The following PCDH11Y variants were observed in gnomAD, a reference collection of about 807,000 sequenced individuals.
PCDH11Y encodes the protein protocadherin 11 Y-linked, also known as protocadherin-11 Y-linked.
For missense variants in PCDH11Y, 12 were observed against 224.8 expected (o/e 0.05, Z 6.05); for synonymous variants, 9 against 83.6 (o/e 0.11, Z 4.87).
At chrY:5,417,840 CA>C (rs2053254247) in intron 2 of PCDH11Y, among the ~76,000 whole-genome samples, 2 of 31,991 alleles carry the variant, frequency 6.3e-5, no homozygotes, top group South Asian at 7.1e-4. Context: ...CACTATCTGA[CA>C]AAAAAAATGC....
At chrY:5,644,586 C>T (rs2053525433) in intron 4 of PCDH11Y, among the ~76,000 whole-genome samples, 1 of 33,159 alleles carries the variant, frequency 3.0e-5, no homozygotes, top group Non-Finnish European at 7.4e-5. Context: ...GTAATCCCAG[C>T]ACTTTGGGAG....
intron 4 of PCDH11Y, among the ~76,000 whole-genome samples, chrY:5,707,567 A>C: frequency 3.4e-5 from 1 of 29,518 alleles, no homozygotes; most frequent in Admixed American, 3.4e-4. Context: ...CAATTGTCAT[A>C]CTAAGAAAGC....
At chrY:5,426,979 T>C (rs2124680086) in intron 2 of PCDH11Y, among the ~76,000 whole-genome samples, 1 of 33,491 alleles carries the variant, frequency 3.0e-5, no homozygotes, top group South Asian at 6.4e-4. Flanking sequence ...AGTGTCATTT[T>C]CCACTGTTTC....
intron 4 of PCDH11Y, among the ~76,000 whole-genome samples, chrY:5,596,422 A>G (rs2053467257): frequency 3.3e-5 from 1 of 30,432 alleles, no homozygotes; most frequent in Non-Finnish European, 7.9e-5. Context: ...ATTGGTTACA[A>G]TAATTTCATA....
intron 3 of PCDH11Y, among the ~76,000 whole-genome samples, chrY:5,539,881 C>CTT (rs2053404618): frequency 6.2e-5 from 2 of 32,247 alleles, no homozygotes; most frequent in African/African-American, 1.2e-4. Flanking sequence ...TATTCAAAAG[C>CTT]GACCTTGGAG....
At chrY:5,198,147 T>G (rs2124649499) in intron 2 of PCDH11Y, among the ~76,000 whole-genome samples, 1 of 20,309 alleles carries the variant, frequency 4.9e-5, no homozygotes, top group South Asian at 1.4e-3. Context: ...ATACAACTTT[T>G]TTTTTTTTTT....
intron 2 of PCDH11Y, among the ~76,000 whole-genome samples, chrY:5,362,196 CT>C (rs2053175146): frequency 6.1e-5 from 2 of 32,556 alleles, no homozygotes; most frequent in Non-Finnish European, 1.5e-4. Context: ...GCAACTACCA[CT>C]ACAATTAATT....
intron 2 of PCDH11Y, among the ~76,000 whole-genome samples, chrY:5,122,744 A>C: frequency 6.3e-5 from 2 of 31,894 alleles, no homozygotes; most frequent in Admixed American, 2.9e-4. Context: ...CTCCCTCATA[A>C]AACACTGAAA....
At chrY:5,077,268 A>T (rs1602857545) in intron 1 of PCDH11Y, among the ~76,000 whole-genome samples, 1 of 33,256 alleles carries the variant, frequency 3.0e-5, no homozygotes, top group East Asian at 7.9e-4. Context: ...TTGATTTTGG[A>T]TCCTGCATCT....
intron 2 of PCDH11Y, among the ~76,000 whole-genome samples, chrY:5,497,456 C>T: frequency 3.0e-5 from 1 of 33,299 alleles, no homozygotes; most frequent in Non-Finnish European, 7.4e-5. Context: ...TGAGAAATGT[C>T]TCTTCATATC....
chrY:5,290,036 C>A (rs2053065574), intron 2 of PCDH11Y, among the ~76,000 whole-genome samples: 1 of 32,534 alleles, frequency 3.1e-5, no homozygotes, highest in Non-Finnish European at 7.5e-5. Context: ...TGATGAACCT[C>A]CAAACTTTTC....
intron 3 of PCDH11Y, among the ~76,000 whole-genome samples, chrY:5,538,587 A>G (rs2053402739): frequency 3.1e-5 from 1 of 32,449 alleles, no homozygotes; most frequent in African/African-American, 1.2e-4. Context: ...CTTGGGAAGA[A>G]GAAAGTTTGG....
At chrY:5,625,570 T>C (rs2053505874) in intron 4 of PCDH11Y, among the ~76,000 whole-genome samples, 1 of 26,526 alleles carries the variant, frequency 3.8e-5, no homozygotes, top group Non-Finnish European at 8.7e-5. Context: ...TTGTCATAGA[T>C]GGCTCTTATT....
intron 2 of PCDH11Y, among the ~76,000 whole-genome samples, chrY:5,212,941 A>G: frequency 3.5e-5 from 1 of 28,866 alleles, no homozygotes; most frequent in Non-Finnish European, 8.1e-5. Flanking sequence ...TCATGTTGAC[A>G]TATATTGTTA....
At chrY:5,695,230 T>C in intron 4 of PCDH11Y, among the ~76,000 whole-genome samples, 1 of 32,385 alleles carries the variant, frequency 3.1e-5, no homozygotes, top group Non-Finnish European at 7.6e-5. Flanking sequence ...TTGTCTCTTA[T>C]AGTTTTTGTC....
intron 2 of PCDH11Y, among the ~76,000 whole-genome samples, chrY:5,345,914 C>T (rs2053152023): frequency 3.0e-5 from 1 of 33,457 alleles, no homozygotes; most frequent in African/African-American, 1.2e-4. Flanking sequence ...CCACCCGCCT[C>T]GGCCTCCCAA....
intron 3 of PCDH11Y, chrY:5,573,586 G>T: frequency 7.0e-6 from 2 of 287,157 alleles, no homozygotes; most frequent in Non-Finnish European, 1.1e-5. Context: ...GACAATGCCT[G>T]CATCGTTCTA....
At chrY:5,421,146 A>AAG (rs2053258041) in intron 2 of PCDH11Y, among the ~76,000 whole-genome samples, 1 of 31,801 alleles carries the variant, frequency 3.1e-5, no homozygotes, top group Non-Finnish European at 7.7e-5. Flanking sequence ...AGGCTAAGGC[A>AAG]GTAGAATTGC....
chrY:5,417,163 T>G, intron 2 of PCDH11Y, among the ~76,000 whole-genome samples: 2 of 32,671 alleles, frequency 6.1e-5, no homozygotes, highest in Admixed American at 2.8e-4. Context: ...TAAGAGAAAG[T>G]TGAGAAATTA....
Sources: allele counts gnomAD v4.1 joint callset (sites outside exome capture counted in the v4.1 genomes callset), GRCh38; gene constraint gnomAD v4.1.1; transcripts MANE v1.5; gene names NCBI Gene and HGNC (gene_info 2026-07-23, HGNC 2026-07-21).